WRN: variants seen among roughly 807,000 people sequenced by gnomAD.
WRN encodes WRN RecQ like helicase.
Under a neutral mutation model 180.7 loss-of-function variants are expected in WRN, and 149 were observed. That is an observed-to-expected ratio of 0.82 (90% CI 0.72 to 0.94). The LOEUF (loss-of-function observed/expected upper bound fraction) is 0.94, where lower values mean the gene tolerates loss of function less well. WRN is among the 40% of genes least tolerant of loss of function. WRN has a pLI of 0.00. For synonymous variants in WRN, 548 were observed against 568.9 expected (o/e 0.96, Z 0.52); for missense variants, 1,661 against 1,700.1 (o/e 0.98, Z 0.40).
intron 2 of WRN, among the ~76,000 whole-genome samples, chr8:31,058,870 A>G (rs1012556760): frequency 1.3e-5 from 2 of 152,222 alleles, no homozygotes; most frequent in Non-Finnish European, 2.9e-5. Flanking sequence ...TTATTATTAC[A>G]GTTGTAATAC....
chr8:31,064,225 C>T, intron 3 of WRN, 64 bp from the exon 4 acceptor site: 5 of 1,590,812 alleles, frequency 3.1e-6, no homozygotes, highest in South Asian at 1.1e-5. Flanking sequence ...TGAATTATGT[C>T]TTTAGTTATG....
At chr8:31,089,495 C>T (rs11574243) in intron 13 of WRN, among the ~76,000 whole-genome samples, 110 of 152,150 alleles carry the variant, frequency 7.2e-4, no homozygotes, top group African/African-American at 2.2e-3. Flanking sequence ...AAAATCTAGA[C>T]TGGATTTTTC....
intron 19 of WRN, among the ~76,000 whole-genome samples, chr8:31,112,732 G>T (rs866892753): frequency 6.6e-6 from 1 of 151,796 alleles, no homozygotes; most frequent in Non-Finnish European, 1.5e-5. Flanking sequence ...AATTACAGGT[G>T]TGCGCCACCA....
intron 6 of WRN, among the ~76,000 whole-genome samples, chr8:31,067,724 G>A (rs750707092): frequency 6.6e-6 from 1 of 152,028 alleles, no homozygotes; most frequent in Non-Finnish European, 1.5e-5. Flanking sequence ...GCACTATTGT[G>A]TGTTTTTTAA....
In WRN at chr8:31,081,165, G is replaced by T. The variant is rs1813294824; in HGVS notation, c.1138G>T (p.Asp380Tyr). ...KEDGFEDGVE[D>Y]NKLKENMERA... ...AGATGGATTTGAAGATGGAGTAGAA[G>T]ACAACAAATTGAAAGAGAATATGGA... is the stretch of plus-strand genomic sequence containing the variant. The change falls in exon 9 of 35, where the codon GAC (aspartate) becomes TAC (tyrosine). Residue 380 changes from aspartate to tyrosine, a missense_variant. By Grantham distance (160) the Asp-to-Tyr change is radical (BLOSUM62 -3). Around this residue, in one of 3 missense-constraint regions of WRN, gnomAD observed 500 missense variants for 504.1 expected, o/e 0.99. Transcript: ENST00000298139. 6.2e-7 allele frequency: 1 copy of T among 1,613,882 alleles called. No individual in the cohort carries two copies. The highest frequency in any genetic ancestry group is 1.3e-5 in the African/African-American group (1 of 74,908).
At chr8:31,153,204 A>G (rs953473016) in intron 31 of WRN, among the ~76,000 whole-genome samples, 1 of 152,170 alleles carries the variant, frequency 6.6e-6, no homozygotes, top group South Asian at 2.1e-4. Context: ...ACTGATATTT[A>G]TACACACATA....
intron 23 of WRN, among the ~76,000 whole-genome samples, chr8:31,126,739 G>A (rs1451608586): frequency 1.3e-5 from 2 of 152,092 alleles, no homozygotes; most frequent in African/African-American, 2.4e-5. Context: ...GCAGCATGCA[G>A]CATTCATTGT....
intron 33 of WRN, among the ~76,000 whole-genome samples, chr8:31,161,383 T>C (rs1313074955): frequency 6.6e-6 from 1 of 152,170 alleles, no homozygotes; most frequent in African/African-American, 2.4e-5. Context: ...ACCTAGATGG[T>C]ATGGCCTACT....
At chr8:31,105,177 A>C (rs9649886) in intron 18 of WRN, among the ~76,000 whole-genome samples, 53,514 of 152,020 alleles carry the variant, frequency 0.35, 9,682 homozygotes, top group South Asian at 0.42. Context: ...ATGTGAATTG[A>C]GCTCCAATGA....
chr8:31,048,573 C>T (rs62506074), intron 1 of WRN, among the ~76,000 whole-genome samples: 38,132 of 151,918 alleles, frequency 0.25, 5,863 homozygotes, highest in Non-Finnish European at 0.34. Flanking sequence ...CTAGTATATA[C>T]GTAAGTATAA....
chr8:31,068,821 C>A (rs1471243401), intron 7 of WRN, among the ~76,000 whole-genome samples: 1 of 152,130 alleles, frequency 6.6e-6, no homozygotes, highest in East Asian at 1.9e-4. Context: ...TTCTAATTTT[C>A]TTCTGTCATT....
intron 13 of WRN, 95 bp downstream of exon 13, chr8:31,089,060 C>T: frequency 9.9e-7 from 1 of 1,007,662 alleles, no homozygotes; most frequent in Non-Finnish European, 1.5e-6. Flanking sequence ...AGCAACAGCA[C>T]AACTTCACTA....
At chr8:31,037,420 G>A (rs1811491731) in intron 1 of WRN, among the ~76,000 whole-genome samples, 1 of 152,170 alleles carries the variant, frequency 6.6e-6, no homozygotes, top group Non-Finnish European at 1.5e-5. Context: ...AACAGGCCAT[G>A]GACTGGTACT....
At chr8:31,102,734 A>C (rs1800929017) in intron 18 of WRN, among the ~76,000 whole-genome samples, 6 of 152,176 alleles carry the variant, frequency 3.9e-5, no homozygotes. Context: ...GTGAATGTAA[A>C]GGCCTAGGAC....
At chr8:31,148,637 T>G (rs1802961739) in intron 30 of WRN, among the ~76,000 whole-genome samples, 1 of 152,292 alleles carries the variant, frequency 6.6e-6, no homozygotes, top group East Asian at 1.9e-4. Context: ...CTCGCTTTAT[T>G]ACTATTTCTC....
In WRN at chr8:31,154,606, A is replaced by G. The variant is rs1803299501; in HGVS notation, c.3688-18A>G. 1 of 1,605,790 alleles carries G rather than the reference A, an allele frequency of 6.2e-7. No individual in the cohort carries two copies. The highest frequency in any genetic ancestry group is 8.5e-7 in the Non-Finnish European group (1 of 1,174,742). On this transcript the variant is annotated intron_variant, in intron 31 of 34. Coordinates refer to ENST00000298139, the MANE Select transcript of WRN (RefSeq NM_000553.6). Reference sequence around the variant, plus strand: ...ATTGATATTACTGATCATTTGTGCTACATTAAAAATTCTGTAGACAGACCT... The same window carrying G: ...ATTGATATTACTGATCATTTGTGCTGCATTAAAAATTCTGTAGACAGACCT...
Position 31,068,320 on chromosome 8 carries a change from A to C in WRN, c.717A>C (p.Ile239=), listed in dbSNP as rs1355716648. ...ILDDTVQRFA[I]NKEEEILLSD... ...ATGATACTGTGCAAAGGTTTGCTAT[A>C]AATAAAGGTATGTTAAGATCCATAA... Residue 239 remains isoleucine, a synonymous_variant, in exon 7 of 35, where the codon ATA becomes ATC. Transcript: ENST00000298139. 1 of 1,604,666 alleles carries C rather than the reference A, an allele frequency of 6.2e-7. No individual in the cohort carries two copies. The highest frequency in any genetic ancestry group is 1.1e-5 in the South Asian group (1 of 90,620).
intron 1 of WRN, among the ~76,000 whole-genome samples, chr8:31,044,104 C>T (rs1811758074): frequency 6.6e-6 from 1 of 151,844 alleles, no homozygotes; most frequent in South Asian, 2.1e-4. Flanking sequence ...TGCAGTGGCA[C>T]AATCTCGGCT....
chr8:31,078,725 G>T, intron 8 of WRN, among the ~76,000 whole-genome samples: 1 of 152,142 alleles, frequency 6.6e-6, no homozygotes, highest in Non-Finnish European at 1.5e-5. Context: ...TTGCTGTCAT[G>T]TACTTGACAT....
Sources: allele counts gnomAD v4.1 joint callset (sites outside exome capture counted in the v4.1 genomes callset), GRCh38; gene constraint gnomAD v4.1.1; regional missense constraint gnomAD v4.1.1; transcripts MANE v1.5; gene names NCBI Gene and HGNC (gene_info 2026-07-23, HGNC 2026-07-21).